The following SOX6 variants were observed in gnomAD, a reference collection of about 807,000 sequenced individuals.
The protein encoded by SOX6 is SRY-box transcription factor 6.
A neutral mutation model predicts 97.8 loss-of-function variants in SOX6; 11 were observed. That is an observed-to-expected ratio of 0.11 (90% CI 0.07 to 0.19). The LOEUF (loss-of-function observed/expected upper bound fraction) is 0.19, where lower values mean the gene tolerates loss of function less well. Among genes scored for constraint, SOX6 ranks in the 10% least tolerant of loss-of-function variants. The pLI is 1.00. For missense variants in SOX6, 810 were observed against 1,039.5 expected (o/e 0.78, Z 3.04); for synonymous variants, 360 against 371.4 (o/e 0.97, Z 0.35).
At chr11:16,561,551 T>C (rs1156259178) in intron 4 of SOX6, among the ~76,000 whole-genome samples, 1 of 152,192 alleles carries the variant, frequency 6.6e-6, no homozygotes, top group Admixed American at 6.5e-5. Context: ...AGTGCCTGAC[T>C]AGAACAATAG....
At chr11:16,107,742 T>C (rs1037240759) in intron 7 of SOX6, among the ~76,000 whole-genome samples, 7 of 152,044 alleles carry the variant, frequency 4.6e-5, no homozygotes, top group Non-Finnish European at 1.0e-4. Flanking sequence ...ATTGAAAATA[T>C]ATTAACGCCA....
chr11:16,469,929 A>C (rs1860109049), intron 1 of SOX6, among the ~76,000 whole-genome samples: 2 of 152,122 alleles, frequency 1.3e-5, no homozygotes, highest in Non-Finnish European at 2.9e-5. Context: ...GAGAGGGCAA[A>C]AAGAACAAGT....
intron 4 of SOX6, among the ~76,000 whole-genome samples, chr11:16,517,370 G>A (rs1860990080): frequency 1.3e-5 from 2 of 151,990 alleles, no homozygotes; most frequent in South Asian, 4.2e-4. Flanking sequence ...ATTCAATTAG[G>A]AAAAGAGGAA....
At chr11:16,326,815 A>C (rs997514051) in intron 2 of SOX6, among the ~76,000 whole-genome samples, 4 of 152,202 alleles carry the variant, frequency 2.6e-5, no homozygotes, top group African/African-American at 9.7e-5. Flanking sequence ...GTTCTGTCTA[A>C]AGTCTCCCAT....
chr11:16,684,134 G>A (rs918877657), intron 3 of SOX6, among the ~76,000 whole-genome samples: 2 of 151,514 alleles, frequency 1.3e-5, no homozygotes, highest in African/African-American at 4.8e-5. Flanking sequence ...TTTACACTGT[G>A]GGTGTAAATT....
At chr11:16,146,752 A>C (rs535310055) in intron 6 of SOX6, among the ~76,000 whole-genome samples, 1 of 152,346 alleles carries the variant, frequency 6.6e-6, no homozygotes, top group East Asian at 1.9e-4. Flanking sequence ...ACATGAAAAA[A>C]TGCTCATCAT....
intron 9 of SOX6, among the ~76,000 whole-genome samples, chr11:16,095,308 T>C (rs947416000): frequency 6.6e-6 from 1 of 151,782 alleles, no homozygotes; most frequent in Non-Finnish European, 1.5e-5. Context: ...TGGGTTCTTA[T>C]AGAAGAAAAG....
chr11:16,115,564 C>T (rs1849328597), intron 6 of SOX6, among the ~76,000 whole-genome samples: 1 of 152,100 alleles, frequency 6.6e-6, no homozygotes, highest in Non-Finnish European at 1.5e-5. Flanking sequence ...GTCCAGGGGT[C>T]ATTCTTTGAG....
intron 13 of SOX6, among the ~76,000 whole-genome samples, chr11:16,006,055 ATACT>A (rs1370748254): frequency 6.6e-6 from 1 of 152,058 alleles, no homozygotes; most frequent in Non-Finnish European, 1.5e-5. Flanking sequence ...AGTGAAAATC[ATACT>A]TACTTGCATC....
chr11:16,161,251 TTTA>T (rs1475808075), intron 6 of SOX6, among the ~76,000 whole-genome samples: 2 of 151,994 alleles, frequency 1.3e-5, no homozygotes, highest in Non-Finnish European at 2.9e-5. Flanking sequence ...CACCTATTTC[TTTA>T]TTTTCTCTTT....
chr11:16,332,236 T>C (rs1038186638), intron 2 of SOX6, among the ~76,000 whole-genome samples: 1 of 152,196 alleles, frequency 6.6e-6, no homozygotes, highest in South Asian at 2.1e-4. Context: ...AATTCGTTCA[T>C]GGATTACATT....
chr11:16,583,614 C>CATACATAT lies in SOX6; in HGVS notation n.609+28466_609+28467insATATGTAT, dbSNP rs1554976094. 7.9e-3 allele frequency among the ~76,000 whole-genome samples: 822 copies of CATACATAT among 104,708 alleles called. 15 individuals carry two copies. The highest frequency in any genetic ancestry group is 0.025 in the African/African-American group (777 of 30,728). The allele number at this position is 104,708 out of a possible 152,430, so 68.7% of individuals were successfully genotyped here. On this transcript the variant is annotated intron_variant and non_coding_transcript_variant, in intron 4 of 5. Transcript: ENST00000524520. ...ATATGTATATATGTGTATATATATA[C>CATACATAT]ATATATATATATATATATATATACA...
intron 12 of SOX6, among the ~76,000 whole-genome samples, chr11:16,040,972 C>T (rs1328765102): frequency 6.6e-6 from 1 of 152,050 alleles, no homozygotes; most frequent in African/African-American, 2.4e-5. Flanking sequence ...CTCTGCTTTG[C>T]AAATGAGAAT....
At chr11:16,721,097 C>T (rs1396272984) in intron 2 of SOX6, among the ~76,000 whole-genome samples, 2 of 152,118 alleles carry the variant, frequency 1.3e-5, no homozygotes, top group African/African-American at 4.8e-5. Flanking sequence ...CAACTTAGGA[C>T]AATCTCTCCT....
At chr11:16,595,577 C>T (rs1233109797) in intron 4 of SOX6, among the ~76,000 whole-genome samples, 1 of 150,184 alleles carries the variant, frequency 6.7e-6, no homozygotes, top group South Asian at 2.1e-4. Flanking sequence ...TCAAGACCCC[C>T]CTGGGCAACA....
intron 9 of SOX6, among the ~76,000 whole-genome samples, chr11:16,057,551 C>T (rs1364740147): frequency 2.0e-5 from 3 of 152,136 alleles, no homozygotes; most frequent in Non-Finnish European, 4.4e-5. Flanking sequence ...CAAATCTGAA[C>T]TAATTTATTC....
intron 9 of SOX6, among the ~76,000 whole-genome samples, chr11:16,089,949 C>G (rs1290917124): frequency 6.6e-6 from 1 of 151,960 alleles, no homozygotes; most frequent in Non-Finnish European, 1.5e-5. Context: ...TCTAATGTAC[C>G]CTTAATCACA....
intron 2 of SOX6, among the ~76,000 whole-genome samples, chr11:16,325,976 C>T (rs1208664680): frequency 6.6e-6 from 1 of 152,126 alleles, no homozygotes; most frequent in Non-Finnish European, 1.5e-5. Context: ...TCACCAGACA[C>T]CAGACACCAA....
rs1852175455 is a variant in SOX6, at chr11:16,209,945, T to C, written c.536-22990A>G. Among the ~76,000 whole-genome samples, 3 of 152,280 alleles carry C rather than the reference T, an allele frequency of 2.0e-5. No homozygotes were observed. The South Asian group carries it at 6.2e-4, about 32-fold the overall frequency. Reference sequence around the variant, plus strand: ...TTTCTCCATATATAAAAATAAGATTTATAGTATCTATTCAACAGAATTGCT... The same window carrying C: ...TTTCTCCATATATAAAAATAAGATTCATAGTATCTATTCAACAGAATTGCT... On this transcript the variant is annotated intron_variant, in intron 4 of 15. Coordinates refer to ENST00000683767, the MANE Select transcript of SOX6 (RefSeq NM_001367873.1).
Sources: allele counts gnomAD v4.1 joint callset (sites outside exome capture counted in the v4.1 genomes callset), GRCh38; gene constraint gnomAD v4.1.1; transcripts MANE v1.5; gene names NCBI Gene and HGNC (gene_info 2026-07-23, HGNC 2026-07-21).